The following NYAP2 variants were observed in gnomAD, a reference collection of about 807,000 sequenced individuals.
NYAP2 encodes the protein neuronal tyrosine-phosphorylated phosphoinositide-3-kinase adapter 2.
A neutral mutation model predicts 50.4 loss-of-function variants in NYAP2; 23 were observed. That is an observed-to-expected ratio of 0.46 (90% CI 0.33 to 0.65). The LOEUF (loss-of-function observed/expected upper bound fraction) is 0.65, where lower values mean the gene tolerates loss of function less well. NYAP2 is among the 30% of genes least tolerant of loss of function. The probability of loss-of-function intolerance (pLI) is 0.02; values close to 1 mark genes in which losing one functional copy is unlikely to be tolerated. For missense variants in NYAP2, 885 were observed against 861.0 expected, an observed-to-expected ratio of 1.03 and a Z score of -0.35; for synonymous variants, 394 against 365.2, an observed-to-expected ratio of 1.08 and a Z score of -0.90.
At chr2:225,603,647 G>A (rs1692735163) in intron 5 of NYAP2, among the ~76,000 whole-genome samples, 1 of 151,986 alleles carries the variant, frequency 6.6e-6, no homozygotes, top group Non-Finnish European at 1.5e-5. Context: ...TGGTTCTCCT[G>A]GCCCATGTCT....
chr2:225,589,275 A>G (rs191260140), intron 5 of NYAP2, among the ~76,000 whole-genome samples: 18 of 151,874 alleles, frequency 1.2e-4, no homozygotes, highest in Admixed American at 3.3e-4. Flanking sequence ...GAGGTTAGGA[A>G]CATCAACTTC....
intron 3 of NYAP2, among the ~76,000 whole-genome samples, chr2:225,438,698 C>A (rs1218856970): frequency 6.6e-6 from 1 of 152,196 alleles, no homozygotes; most frequent in Non-Finnish European, 1.5e-5. Context: ...TTCATCTACT[C>A]ATTTATTCAA....
chr2:225,428,867 A>G (rs1574609780), intron 3 of NYAP2, among the ~76,000 whole-genome samples: 1 of 152,368 alleles, frequency 6.6e-6, no homozygotes, highest in Middle Eastern at 3.4e-3. Context: ...AAAAATTTGC[A>G]TTATGTAAGA....
intron 3 of NYAP2, among the ~76,000 whole-genome samples, chr2:225,491,343 C>G (rs1559194417): frequency 6.6e-6 from 1 of 152,108 alleles, no homozygotes; most frequent in East Asian, 1.9e-4. Flanking sequence ...GCTTGTCAAA[C>G]CTATATCTCC....
chr2:225,505,995 C>T (rs887428497), intron 3 of NYAP2, among the ~76,000 whole-genome samples: 2 of 151,854 alleles, frequency 1.3e-5, no homozygotes, highest in African/African-American at 4.8e-5. Context: ...AAAATAGTCA[C>T]GGTGGCCAGG....
chr2:225,579,065 G>C (rs1338334795), intron 4 of NYAP2, among the ~76,000 whole-genome samples: 4 of 151,676 alleles, frequency 2.6e-5, no homozygotes, highest in African/African-American at 7.3e-5. Flanking sequence ...CACACACACA[G>C]AGACATGAAG....
chr2:225,697,460 C>T, the NYAP2 span, among the ~76,000 whole-genome samples: 1 of 151,904 alleles, frequency 6.6e-6, no homozygotes, highest in South Asian at 2.1e-4. Flanking sequence ...ACATTCTAAG[C>T]ATATGGTGTG....
chr2:225,430,170 A>G (rs529634149), intron 3 of NYAP2, among the ~76,000 whole-genome samples: 44 of 152,090 alleles, frequency 2.9e-4, no homozygotes, highest in African/African-American at 9.9e-4. Flanking sequence ...TTAAAGGTTT[A>G]TTTGCCAACT....
chr2:225,604,791 C>A (rs1692756475), intron 5 of NYAP2, among the ~76,000 whole-genome samples: 2 of 152,040 alleles, frequency 1.3e-5, no homozygotes. Flanking sequence ...CTCTCTATAA[C>A]CATATTTATT....
At chr2:225,636,176 G>A (rs1164362105) in intron 6 of NYAP2, among the ~76,000 whole-genome samples, 1 of 152,148 alleles carries the variant, frequency 6.6e-6, no homozygotes, top group African/African-American at 2.4e-5. Context: ...CTAAAGGGAA[G>A]GCCATTCAAA....
intron 5 of NYAP2, among the ~76,000 whole-genome samples, chr2:225,604,434 C>G (rs1261992448): frequency 6.6e-6 from 1 of 152,052 alleles, no homozygotes; most frequent in Non-Finnish European, 1.5e-5. Flanking sequence ...TATTTAACTC[C>G]CTGATATCAC....
chr2:225,574,292 TG>T (rs1692129868), intron 4 of NYAP2, among the ~76,000 whole-genome samples: 1 of 151,982 alleles, frequency 6.6e-6, no homozygotes, highest in African/African-American at 2.4e-5. Context: ...GTTCAAACAG[TG>T]GGGGCTAGAG....
At chr2:225,668,488 T>C in the NYAP2 span, among the ~76,000 whole-genome samples, 3 of 152,228 alleles carry the variant, frequency 2.0e-5, no homozygotes, top group Non-Finnish European at 4.4e-5. Context: ...GAGTATATTA[T>C]GTTTCTTGTA....
rs117004218 is a variant in NYAP2 at position 225,464,210 on chromosome 2, T to G, written c.222-49161T>G. Among the ~76,000 whole-genome samples the G allele has an allele frequency of 2.7e-4, 41 of 152,302 alleles. No individual in the cohort carries two copies. In the East Asian group the frequency reaches 7.7e-3, roughly 29 times the overall value. On this transcript the variant is annotated intron_variant, in intron 3 of 6. Coordinates refer to ENST00000636099, the Ensembl canonical transcript of NYAP2. The stretch of plus-strand genomic sequence containing the variant: ...TGCAGGATGATTCTGACAGCCATGT[T>G]AACTCCAGAATTCTCTGTGGTGTCA...
intron 5 of NYAP2, among the ~76,000 whole-genome samples, chr2:225,605,172 C>T (rs1692764401): frequency 6.6e-6 from 1 of 151,912 alleles, no homozygotes. Context: ...GCCTGAATGC[C>T]TCTGATTCTT....
intron 3 of NYAP2, among the ~76,000 whole-genome samples, chr2:225,442,005 CA>C (rs1255691252): frequency 6.6e-6 from 1 of 152,104 alleles, no homozygotes; most frequent in Non-Finnish European, 1.5e-5. Flanking sequence ...TAACAGAAGC[CA>C]AAATGTCAAC....
At chr2:225,516,511 T>G (rs1378638475) in intron 4 of NYAP2, among the ~76,000 whole-genome samples, 1 of 152,044 alleles carries the variant, frequency 6.6e-6, no homozygotes, top group African/African-American at 2.4e-5. Context: ...CATAGAGAAG[T>G]GATTCTTCAT....
intron 3 of NYAP2, 70 bp from the exon 4 acceptor site, chr2:225,513,301 C>T (rs1484138814): frequency 1.4e-6 from 2 of 1,406,796 alleles, no homozygotes; most frequent in Non-Finnish European, 2.0e-6. Flanking sequence ...TAGTAATATT[C>T]TCACATGTAT....
At chr2:225,678,222 C>T in the NYAP2 span, among the ~76,000 whole-genome samples, 1 of 152,076 alleles carries the variant, frequency 6.6e-6, no homozygotes, top group Non-Finnish European at 1.5e-5. Context: ...AGAATAGTCT[C>T]TGAGGATCTT....
Sources: gnomAD v4.1 joint callset for allele counts (sites outside exome capture counted in the v4.1 genomes callset) on GRCh38, gnomAD v4.1.1 for gene constraint, MANE v1.5 for transcripts, NCBI Gene and HGNC (gene_info 2026-07-23, HGNC 2026-07-21) for gene names.